Variants in PREPL observed in about 807,000 individuals in gnomAD.
PREPL encodes the protein prolyl endopeptidase like, also known as prolyl endopeptidase-like.
Under a neutral mutation model 70.6 loss-of-function variants are expected in PREPL, and 77 were observed. The observed-to-expected ratio is 1.09, with a 90% confidence interval of 0.91 to 1.32. PREPL has a LOEUF of 1.32. Ranked by LOEUF, PREPL falls within the 40% of genes most tolerant of loss-of-function variation. The pLI is 0.00. For missense variants in PREPL, 1,002 were observed against 778.2 expected, an observed-to-expected ratio of 1.29 and a Z score of -3.42; for synonymous variants, 315 against 264.8, an observed-to-expected ratio of 1.19 and a Z score of -1.84.
Position 44,320,619 on chromosome 2 carries a change from A to C in PREPL, c.*737T>G. 2.5e-6 allele frequency: 4 copies of C among 1,613,902 alleles called. No individual in the cohort carries two copies. Among genetic ancestry groups the C allele is most frequent in the Non-Finnish European group, 3.4e-6 (4 of 1,179,806 alleles). On this transcript the variant is annotated 3_prime_UTR_variant, in exon 14 of 14. Coordinates refer to ENST00000409411, the MANE Select transcript of PREPL (RefSeq NM_001171613.2). ...AGCATGCTATTCCAGTGTACTGAAC[A>C]TACTGTATACCTCGTGTTAGGCACC...
At chr2:44,333,927 G>T (rs1019898883) in intron 7 of PREPL, among the ~76,000 whole-genome samples, 1 of 152,174 alleles carries the variant, frequency 6.6e-6, no homozygotes, top group Non-Finnish European at 1.5e-5. Flanking sequence ...AAGTTTTTCT[G>T]CCCTTTGATG....
rs1674229545 is a variant in PREPL, at chr2:44,332,568, G to A, written c.977C>T (p.Pro326Leu). 1 of 1,613,768 alleles carries A rather than the reference G, an allele frequency of 6.2e-7. No individual in the cohort carries two copies. Among genetic ancestry groups the A allele is most frequent in the Non-Finnish European group, 8.5e-7 (1 of 1,179,658 alleles). The change falls in exon 8 of 14, where the codon CCA becomes CTA. Residue 326 changes from proline (P) to leucine (L), a missense_variant. Transcript: ENST00000409411. ...PFQLCSPIRPPKYYTYKFAEG... is the reference protein window; with the variant it reads ...PFQLCSPIRPLKYYTYKFAEG... ...TGCAAACTTGTATGTGTAATATTTTGGGGGACGTATTGGAGAGCAAAGTTG... is the reference window on the plus strand; with the variant it reads ...TGCAAACTTGTATGTGTAATATTTTAGGGGACGTATTGGAGAGCAAAGTTG...
intron 1 of PREPL, among the ~76,000 whole-genome samples, chr2:44,358,467 T>A (rs961491714): frequency 1.3e-5 from 2 of 152,074 alleles, no homozygotes; most frequent in African/African-American, 4.8e-5. Flanking sequence ...CCAAATATCA[T>A]TAAGGAACCT....
At position 44,326,929 on chromosome 2, in the gene PREPL, C is replaced by G. The variant is rs1316112168; in HGVS notation, c.1263-1G>C. ...CTGGAGGCCTAACTCACCACCACCT[C>G]TGAAATTGAAGGGCAAAAAAGTTTT... On this transcript the variant is annotated splice_acceptor_variant, in intron 9 of 13. Transcript: ENST00000409411. LOFTEE classifies it high-confidence loss of function. The G allele has an allele frequency of 7.4e-6, 12 of 1,613,606 alleles. No homozygotes were observed. The highest frequency in any genetic ancestry group is 1.0e-5 in the Non-Finnish European group (12 of 1,179,808).
chr2:44,347,634 C>T (rs1013594288), intron 1 of PREPL, among the ~76,000 whole-genome samples: 3 of 152,190 alleles, frequency 2.0e-5, no homozygotes, highest in Non-Finnish European at 4.4e-5. Context: ...TAATTCAACA[C>T]TCCAGTGGTT....
intron 12 of PREPL, 56 bp downstream of exon 12, chr2:44,322,675 G>A: frequency 1.3e-6 from 2 of 1,571,848 alleles, no homozygotes; most frequent in Non-Finnish European, 1.7e-6. Flanking sequence ...TCTGAGCAGT[G>A]TGCTGTGGGT....
intron 2 of PREPL, among the ~76,000 whole-genome samples, chr2:44,345,856 T>G (rs1020957752): frequency 2.6e-5 from 4 of 152,156 alleles, no homozygotes; most frequent in African/African-American, 9.7e-5. Context: ...AATTTTTAAA[T>G]CAGTGCTGGG....
At position 44,329,033 on chromosome 2, in the gene PREPL, A is replaced by G; in HGVS notation, c.1166T>C (p.Val389Ala). Residue 389 changes from valine to alanine, a missense_variant, in exon 9 of 14, where the codon GTA (valine) becomes GCA (alanine). By Grantham distance (64) the Val-to-Ala change is moderately conservative (BLOSUM62 0). Transcript: ENST00000409411. ...CAAATCCATTCCATAAGCTCCATAT[A>G]CATGTACCAAGAGAGGTTTCTTCTG... ...DLQKKPLLVH[V>A]YGAYGMDLKM... 1 of 1,613,588 alleles carries G rather than the reference A, an allele frequency of 6.2e-7. No homozygotes were observed. Among genetic ancestry groups the G allele is most frequent in the Non-Finnish European group, 8.5e-7 (1 of 1,179,492 alleles).
chr2:44,339,987 T>C (rs1675039412), intron 5 of PREPL, among the ~76,000 whole-genome samples: 1 of 152,130 alleles, frequency 6.6e-6, no homozygotes, highest in Admixed American at 6.5e-5. Flanking sequence ...ACTTTTTAAA[T>C]TTTTCCTTCT....
chr2:44,353,537 G>A (rs1162240087), intron 1 of PREPL, among the ~76,000 whole-genome samples: 1 of 151,668 alleles, frequency 6.6e-6, no homozygotes, highest in Non-Finnish European at 1.5e-5. Context: ...GCAGTGAGCT[G>A]AGATGGCACC....
chr2:44,356,995 G>C (rs1208912774), intron 1 of PREPL, among the ~76,000 whole-genome samples: 1 of 152,132 alleles, frequency 6.6e-6, no homozygotes, highest in African/African-American at 2.4e-5. Context: ...TGGTAGAGTT[G>C]GGGTTTTGCC....
intron 7 of PREPL, among the ~76,000 whole-genome samples, chr2:44,337,319 C>T (rs1674737986): frequency 6.6e-6 from 1 of 152,136 alleles, no homozygotes; most frequent in South Asian, 2.1e-4. Flanking sequence ...AGTTTGAGCC[C>T]CACAGCACAT....
At position 44,344,518 on chromosome 2, in the gene PREPL, A is replaced by C; in HGVS notation, c.142+2T>G. ...CACGTAAAAAGAAAAATTGTGGTGT[A>C]CCTTCTTCATCTTTGGAACGAACCA... On this transcript the variant is annotated splice_donor_variant, in intron 3 of 13. Coordinates refer to ENST00000409411, the MANE Select transcript of PREPL (RefSeq NM_001171613.2). LOFTEE classifies it high-confidence loss of function. The C allele has an allele frequency of 6.3e-7, 1 of 1,582,178 alleles. No homozygotes were observed. The highest frequency in any genetic ancestry group is 8.6e-7 in the Non-Finnish European group (1 of 1,164,538).
intron 1 of PREPL, among the ~76,000 whole-genome samples, chr2:44,353,293 C>G (rs1479494007): frequency 6.6e-6 from 1 of 151,266 alleles, no homozygotes; most frequent in African/African-American, 2.4e-5. Context: ...GATTTTAAGA[C>G]TTATTACAGG....
intron 12 of PREPL, 126 bp downstream of exon 12, chr2:44,322,605 A>G: frequency 7.7e-7 from 1 of 1,302,368 alleles, no homozygotes; most frequent in East Asian, 2.3e-5. Flanking sequence ...CAACATAGCA[A>G]AATAATTGTT....
At chr2:44,346,497 AG>A (rs141242936) in intron 1 of PREPL, 107 bp from the exon 2 acceptor site, 2 of 993,108 alleles carry the variant, frequency 2.0e-6, no homozygotes, top group African/African-American at 1.6e-5. Context: ...TGTACAAAAA[AG>A]AAATAAGATT....
At chr2:44,353,955 G>A (rs1487977538) in intron 1 of PREPL, among the ~76,000 whole-genome samples, 3 of 152,162 alleles carry the variant, frequency 2.0e-5, no homozygotes, top group African/African-American at 7.2e-5. Flanking sequence ...GAGCTTAGGA[G>A]TTTGAGACAA....
intron 10 of PREPL, among the ~76,000 whole-genome samples, chr2:44,324,895 C>T (rs1322191250): frequency 6.6e-6 from 1 of 151,806 alleles, no homozygotes; most frequent in Non-Finnish European, 1.5e-5. Flanking sequence ...ACTCAAAAAA[C>T]AAAACAAAAC....
At chr2:44,345,359 CT>C (rs540009409) in intron 2 of PREPL, among the ~76,000 whole-genome samples, 22 of 147,224 alleles carry the variant, frequency 1.5e-4, no homozygotes, top group South Asian at 4.4e-4. Flanking sequence ...TTCATTTTTT[CT>C]TTTTTTTTTG....
Sources: gnomAD v4.1 joint callset for allele counts (sites outside exome capture counted in the v4.1 genomes callset) on GRCh38, gnomAD v4.1.1 for gene constraint, MANE v1.5 for transcripts, NCBI Gene and HGNC (gene_info 2026-07-23, HGNC 2026-07-21) for gene names.